The following NRXN1 variants were observed in gnomAD, a reference collection of about 807,000 sequenced individuals.
The protein encoded by NRXN1 is neurexin 1.
NRXN1 carries 39 observed loss-of-function variants against 150.9 expected under a neutral mutation model. That is an observed-to-expected ratio of 0.26 (90% CI 0.20 to 0.34). The LOEUF is 0.34. Ranked by LOEUF, NRXN1 falls within the 10% of genes least tolerant of loss-of-function variation. The pLI is 1.00. For synonymous variants in NRXN1, 924 were observed against 757.0 expected (o/e 1.22, Z -3.62); for missense variants, 1,815 against 1,949.9 (o/e 0.93, Z 1.30).
At chr2:50,937,388 C>T (rs1198288048) in intron 2 of NRXN1, among the ~76,000 whole-genome samples, 3 of 152,090 alleles carry the variant, frequency 2.0e-5, no homozygotes, top group Non-Finnish European at 2.9e-5. Context: ...CAATTTCCTG[C>T]TTGGCTTCTA....
chr2:50,971,611 TAAAATAAATTTTA>T (rs1478250583), intron 2 of NRXN1, among the ~76,000 whole-genome samples: 1 of 151,824 alleles, frequency 6.6e-6, no homozygotes, highest in Non-Finnish European at 1.5e-5. Flanking sequence ...AAAAAATAAA[TAAAATAAATTTTA>T]AAAATAAATA....
At chr2:50,954,796 C>T (rs774597432) in intron 2 of NRXN1, among the ~76,000 whole-genome samples, 18 of 152,148 alleles carry the variant, frequency 1.2e-4, no homozygotes, top group East Asian at 3.9e-4. Flanking sequence ...TCTTCACAGA[C>T]GTCCTTATTA....
intron 5 of NRXN1, among the ~76,000 whole-genome samples, chr2:50,666,879 A>ATGATGATG (rs1237981785): frequency 1.1e-4 from 12 of 107,818 alleles, no homozygotes; most frequent in African/African-American, 3.1e-4. Context: ...GATGATGATG[A>ATGATGATG]TGTGTGTGTG....
At chr2:50,695,145 T>G (rs1361574559) in intron 5 of NRXN1, among the ~76,000 whole-genome samples, 2 of 151,874 alleles carry the variant, frequency 1.3e-5, no homozygotes, top group African/African-American at 4.8e-5. Context: ...AGGGAGACTA[T>G]TTACCAACAT....
chr2:49,978,886 T>G (rs1294243173), intron 21 of NRXN1, among the ~76,000 whole-genome samples: 2 of 152,154 alleles, frequency 1.3e-5, no homozygotes, highest in African/African-American at 2.4e-5. Context: ...GTTAAATAAT[T>G]TGTTTTAAAT....
At chr2:50,688,985 T>C (rs1246314787) in intron 5 of NRXN1, among the ~76,000 whole-genome samples, 3 of 152,272 alleles carry the variant, frequency 2.0e-5, no homozygotes, top group East Asian at 1.9e-4. Flanking sequence ...TGGAGACTTA[T>C]AAAAATAAAT....
At chr2:50,973,943 A>C (rs529670875) in intron 2 of NRXN1, among the ~76,000 whole-genome samples, 1 of 152,214 alleles carries the variant, frequency 6.6e-6, no homozygotes, top group South Asian at 2.1e-4. Context: ...GTAATGTGAG[A>C]GTACAGAAAG....
chr2:50,327,012 CAAAGTT>C lies in NRXN1; in HGVS notation c.3365-90048_3365-90043del, dbSNP rs2076430238. Among the ~76,000 whole-genome samples, 3 of 152,286 alleles carry C rather than the reference CAAAGTT, an allele frequency of 2.0e-5. No individual in the cohort carries two copies. In the East Asian group the frequency reaches 5.8e-4, roughly 29 times the overall value. On this transcript the variant is annotated intron_variant, in intron 17 of 22. Coordinates refer to ENST00000401669, the MANE Select transcript of NRXN1 (RefSeq NM_001330078.2). ...TGAGAAACTGTGGGACAAAGTCTAACAAAGTTAAACAAAATCCTGTTTCCTAGCCTT... is the reference window on the plus strand; with the variant it reads ...TGAGAAACTGTGGGACAAAGTCTAACAAACAAAATCCTGTTTCCTAGCCTT...
At chr2:50,529,453 TC>T (rs2093041110) in intron 11 of NRXN1, among the ~76,000 whole-genome samples, 1 of 152,202 alleles carries the variant, frequency 6.6e-6, no homozygotes, top group South Asian at 2.1e-4. Flanking sequence ...GAACAGAACG[TC>T]TTGTATGGGT....
chr2:50,629,276 A>C (rs1181406736), intron 5 of NRXN1, among the ~76,000 whole-genome samples: 1 of 151,790 alleles, frequency 6.6e-6, no homozygotes, highest in Middle Eastern at 3.2e-3. Flanking sequence ...TAGAATATTA[A>C]ATAACAATGT....
rs545676346 is a variant in NRXN1, at chr2:50,842,840, A to G, written c.832+79029T>C. 4.1e-4 allele frequency among the ~76,000 whole-genome samples: 63 copies of G among 152,310 alleles called. No homozygotes were observed. In the Middle Eastern group the frequency reaches 0.01, roughly 25 times the overall value. On this transcript the variant is annotated intron_variant, in intron 5 of 22. Coordinates refer to ENST00000401669, the MANE Select transcript of NRXN1 (RefSeq NM_001330078.2). ...GTGCATTCCCTCCCTTTTATGTAGC[A>G]GACATTTTATCCTGGCTAGAAAATC...
chr2:50,622,812 G>T (rs1015072892), intron 6 of NRXN1, among the ~76,000 whole-genome samples: 1 of 152,052 alleles, frequency 6.6e-6, no homozygotes, highest in African/African-American at 2.4e-5. Context: ...AGATATGTAA[G>T]CCCCTAAAGA....
intron 2 of NRXN1, among the ~76,000 whole-genome samples, chr2:50,939,442 T>C (rs1252150007): frequency 1.3e-5 from 2 of 151,958 alleles, no homozygotes; most frequent in African/African-American, 2.4e-5. Context: ...TTTTAATAGA[T>C]TTATGATTTA....
intron 5 of NRXN1, among the ~76,000 whole-genome samples, chr2:50,641,207 A>G (rs1164885763): frequency 6.6e-6 from 1 of 152,304 alleles, no homozygotes; most frequent in East Asian, 1.9e-4. Context: ...AACCAAGCCA[A>G]ATGTTGACTA....
chr2:49,960,792 G>T (rs1675802622), intron 21 of NRXN1, among the ~76,000 whole-genome samples: 1 of 152,064 alleles, frequency 6.6e-6, no homozygotes, highest in Non-Finnish European at 1.5e-5. Flanking sequence ...TTCTTAAATG[G>T]TTCAGCTAAT....
In NRXN1 at chr2:50,781,530, T is replaced by C. The variant is rs146873808; in HGVS notation, c.832+140339A>G. ...AGAGTGATTCAAAGGCATTCAGCACTCAAACTTGGTTCCAAACTTAGCCTT... is the reference window on the plus strand; with the variant it reads ...AGAGTGATTCAAAGGCATTCAGCACCCAAACTTGGTTCCAAACTTAGCCTT... On this transcript the variant is annotated intron_variant, in intron 5 of 22. Coordinates refer to ENST00000401669, the MANE Select transcript of NRXN1 (RefSeq NM_001330078.2). Among the ~76,000 whole-genome samples the C allele has an allele frequency of 6.6e-5, 10 of 152,286 alleles. No homozygotes were observed. In the Middle Eastern group the frequency reaches 0.014, roughly 207 times the overall value.
intron 2 of NRXN1, among the ~76,000 whole-genome samples, chr2:50,977,478 C>T (rs1696046967): frequency 6.6e-6 from 1 of 151,914 alleles, no homozygotes; most frequent in Non-Finnish European, 1.5e-5. Context: ...ACCAAGACCA[C>T]ATATGCCTCA....
intron 15 of NRXN1, 109 bp downstream of exon 15, chr2:50,495,796 C>A: frequency 1.2e-6 from 1 of 820,984 alleles, no homozygotes; most frequent in Non-Finnish European, 1.8e-6. Flanking sequence ...AAATGAAATT[C>A]TGGTCAGTCT....
intron 2 of NRXN1, among the ~76,000 whole-genome samples, chr2:50,932,496 T>G (rs1687904460): frequency 6.6e-6 from 1 of 151,988 alleles, no homozygotes. Context: ...GACATCAATG[T>G]TAATATCATA....
Sources: gnomAD v4.1 joint callset for allele counts (sites outside exome capture counted in the v4.1 genomes callset) on GRCh38, gnomAD v4.1.1 for gene constraint, MANE v1.5 for transcripts, NCBI Gene and HGNC (gene_info 2026-07-23, HGNC 2026-07-21) for gene names.